Variants in PCP4 observed in about 807,000 individuals in gnomAD.
PCP4 encodes Purkinje cell protein 4.
A neutral mutation model predicts 10.0 loss-of-function variants in PCP4; 8 were observed. That is an observed-to-expected ratio of 0.80 (90% CI 0.47 to 1.45). PCP4 has a LOEUF of 1.45. Among genes scored for constraint, PCP4 ranks in the 40% most tolerant of loss-of-function variants. The pLI, the probability that PCP4 is intolerant of heterozygous loss-of-function variation, is 0.00. For synonymous variants in PCP4, 21 were observed against 23.0 expected (o/e 0.91, Z 0.24); for missense variants, 54 against 74.4 (o/e 0.73, Z 1.01).
chr21:39,912,503 C>A (rs1315947371), intron 2 of PCP4, among the ~76,000 whole-genome samples: 2 of 152,012 alleles, frequency 1.3e-5, no homozygotes, highest in Non-Finnish European at 2.9e-5. Context: ...GCCTTGCTTT[C>A]CTGCCAAGGT....
chr21:39,922,497 T>G (rs2087601261), intron 2 of PCP4, among the ~76,000 whole-genome samples: 2 of 152,212 alleles, frequency 1.3e-5, no homozygotes, highest in South Asian at 4.1e-4. Flanking sequence ...ATAGGACTGT[T>G]TTGCTTCCTA....
At chr21:39,872,717 G>C (rs1601169588) in intron 1 of PCP4, among the ~76,000 whole-genome samples, 1 of 152,330 alleles carries the variant, frequency 6.6e-6, no homozygotes, top group South Asian at 2.1e-4. Context: ...TAAATGTCCA[G>C]TTACTGAATG....
At chr21:39,875,583 T>C (rs2087341185) in intron 1 of PCP4, among the ~76,000 whole-genome samples, 1 of 152,262 alleles carries the variant, frequency 6.6e-6, no homozygotes, top group Non-Finnish European at 1.5e-5. Context: ...TTTATCCTCT[T>C]GCCTTCTATG....
chr21:39,884,800 A>AAGAG (rs3988433), intron 1 of PCP4, among the ~76,000 whole-genome samples: 54,118 of 148,926 alleles, frequency 0.36, 9,802 homozygotes, highest in South Asian at 0.5. Flanking sequence ...CCGTCTTAAA[A>AAGAG]AGAGAGAGAG....
chr21:39,901,545 A>G (rs1027175943), intron 2 of PCP4, among the ~76,000 whole-genome samples: 5 of 152,228 alleles, frequency 3.3e-5, no homozygotes, highest in Non-Finnish European at 7.3e-5. Flanking sequence ...TCTGCCATTC[A>G]AAGACATGGA....
At chr21:39,914,573 C>CAAAAAAAAAAAAAAAAAA (rs55775259) in intron 2 of PCP4, among the ~76,000 whole-genome samples, 2 of 118,940 alleles carry the variant, frequency 1.7e-5, no homozygotes, top group Admixed American at 9.4e-5. Context: ...AGAGCTGTCT[C>CAAAAAAAAAAAAAAAAAA]AAAAAAAAAA....
At chr21:39,922,001 A>G (rs965311630) in intron 2 of PCP4, among the ~76,000 whole-genome samples, 1 of 152,114 alleles carries the variant, frequency 6.6e-6, no homozygotes, top group Non-Finnish European at 1.5e-5. Context: ...TGTTCTTTGG[A>G]TTTTCATGAC....
intron 2 of PCP4, among the ~76,000 whole-genome samples, chr21:39,909,806 T>TC (rs1178084230): frequency 6.6e-6 from 1 of 151,384 alleles, no homozygotes; most frequent in Non-Finnish European, 1.5e-5. Flanking sequence ...TTTTCTTTTT[T>TC]TTTTTTGACA....
In PCP4 at chr21:39,870,966, A is replaced by G. The variant is rs558151274; in HGVS notation, c.9+3456A>G. Among the ~76,000 whole-genome samples the G allele has an allele frequency of 2.0e-5, 3 of 152,310 alleles. No individual in the cohort carries two copies. In the East Asian group the frequency reaches 5.8e-4, roughly 29 times the overall value. On this transcript the variant is annotated intron_variant, in intron 1 of 2. Coordinates refer to ENST00000328619, the MANE Select transcript of PCP4 (RefSeq NM_006198.3). ...GCCCATCAAAGGCATGGTTTGAAAAACATCAAGGACATTTAAGGGTAAATC... is the reference window on the plus strand; with the variant it reads ...GCCCATCAAAGGCATGGTTTGAAAAGCATCAAGGACATTTAAGGGTAAATC...
At chr21:39,922,924 T>C (rs1281589095) in intron 2 of PCP4, among the ~76,000 whole-genome samples, 2 of 152,150 alleles carry the variant, frequency 1.3e-5, no homozygotes, top group African/African-American at 2.4e-5. Context: ...CATGGGACCA[T>C]TTTTTTGGAG....
At chr21:39,898,705 C>G (rs1034390354) in intron 2 of PCP4, among the ~76,000 whole-genome samples, 178 bp downstream of exon 2, 3 of 152,186 alleles carry the variant, frequency 2.0e-5, no homozygotes, top group Non-Finnish European at 4.4e-5. Flanking sequence ...ATGAAGAAAA[C>G]TGAGCTAGCT....
intron 2 of PCP4, among the ~76,000 whole-genome samples, chr21:39,903,731 G>A (rs536061275): frequency 2.6e-5 from 4 of 151,836 alleles, no homozygotes; most frequent in Non-Finnish European, 4.4e-5. Flanking sequence ...ATCCGGGCGC[G>A]GTGGCGGGCG....
At position 39,874,350 on chromosome 21, in the gene PCP4, G is replaced by A. The variant is rs186813468; in HGVS notation, c.9+6840G>A. 2.7e-4 allele frequency among the ~76,000 whole-genome samples: 41 copies of A among 152,206 alleles called. No homozygotes were observed. The East Asian group carries it at 6.2e-3, about 23-fold the overall frequency. Reference sequence around the variant, plus strand: ...TTGAATGTTAAATATTATTTACGACGGTTTGATAGCAAAATGGGATCCAGA... The same window carrying A: ...TTGAATGTTAAATATTATTTACGACAGTTTGATAGCAAAATGGGATCCAGA... On this transcript the variant is annotated intron_variant, in intron 1 of 2. Transcript: ENST00000328619.
At chr21:39,902,030 C>T (rs2087484373) in intron 2 of PCP4, among the ~76,000 whole-genome samples, 2 of 152,070 alleles carry the variant, frequency 1.3e-5, no homozygotes, top group African/African-American at 4.8e-5. Context: ...TCCATTTTAA[C>T]CTAGTATTAC....
chr21:39,907,892 G>A (rs1351770310), intron 2 of PCP4, among the ~76,000 whole-genome samples: 1 of 152,206 alleles, frequency 6.6e-6, no homozygotes, highest in East Asian at 1.9e-4. Context: ...GAAGAGAGGA[G>A]AGTGAATCTG....
intron 2 of PCP4, among the ~76,000 whole-genome samples, chr21:39,911,352 A>AT (rs2146344742): frequency 6.6e-6 from 1 of 152,262 alleles, no homozygotes; most frequent in East Asian, 1.9e-4. Flanking sequence ...AACAGGGTTT[A>AT]TTTTCCTGGA....
rs528122094 is a variant in PCP4, at chr21:39,895,636, T to C, written c.10-2840T>C. On this transcript the variant is annotated intron_variant, in intron 1 of 2. Coordinates refer to ENST00000328619, the MANE Select transcript of PCP4 (RefSeq NM_006198.3). ...TTCCTCTCTGTGCCTCAGGATATAA[T>C]TGGTAAAGTGAGGCTGATGAAGACA... 5.9e-5 allele frequency among the ~76,000 whole-genome samples: 9 copies of C among 152,306 alleles called. No individual in the cohort carries two copies. The South Asian group carries it at 1.9e-3, about 32-fold the overall frequency.
chr21:39,917,234 T>C (rs1162953989), intron 2 of PCP4, among the ~76,000 whole-genome samples: 2 of 152,244 alleles, frequency 1.3e-5, no homozygotes, highest in African/African-American at 4.8e-5. Context: ...TTGCCTGGCA[T>C]GTGCCACCAG....
chr21:39,913,787 C>G (rs186302781), intron 2 of PCP4, among the ~76,000 whole-genome samples: 2 of 152,126 alleles, frequency 1.3e-5, no homozygotes, highest in Non-Finnish European at 2.9e-5. Flanking sequence ...TTGTACCCCA[C>G]GTGAAATTCC....
Sources: gnomAD v4.1 joint callset for allele counts (sites outside exome capture counted in the v4.1 genomes callset) on GRCh38, gnomAD v4.1.1 for gene constraint, MANE v1.5 for transcripts, NCBI Gene and HGNC (gene_info 2026-07-23, HGNC 2026-07-21) for gene names.